COG4: variants seen among roughly 807,000 people sequenced by gnomAD.
COG4 encodes the protein component of oligomeric golgi complex 4, also known as conserved oligomeric Golgi complex subunit 4.
A neutral mutation model predicts 95.1 loss-of-function variants in COG4; 65 were observed. The observed-to-expected ratio is 0.68, with a 90% CI of 0.56 to 0.84. The LOEUF (loss-of-function observed/expected upper bound fraction) is 0.84, where lower values mean the gene tolerates loss of function less well. Among genes scored for constraint, COG4 ranks in the 40% least tolerant of loss-of-function variants. The probability of loss-of-function intolerance (pLI) is 0.00; values close to 1 mark genes in which losing one functional copy is unlikely to be tolerated. For synonymous variants in COG4, 421 were observed against 374.8 expected (o/e 1.12, Z -1.42); for missense variants, 1,045 against 989.1 (o/e 1.06, Z -0.76).
At chr16:70,482,383 CAT>C (rs2049017377) in intron 15 of COG4, 1 of 640,822 alleles carries the variant, frequency 1.6e-6, no homozygotes, top group African/African-American at 1.8e-5. Context: ...GCCCACATAA[CAT>C]GGTAAAGTTC....
chr16:70,518,390 ACT>A (rs2049868478), intron 2 of COG4, among the ~76,000 whole-genome samples: 1 of 151,742 alleles, frequency 6.6e-6, no homozygotes, highest in South Asian at 2.1e-4. Flanking sequence ...ACAGGTTCTC[ACT>A]CTGCCACTCA....
At chr16:70,511,313 A>C (rs1249900693) in intron 5 of COG4, among the ~76,000 whole-genome samples, 1 of 152,180 alleles carries the variant, frequency 6.6e-6, no homozygotes, top group Admixed American at 6.5e-5. Context: ...GCCGTTTAAC[A>C]AACCACATGT....
intron 13 of COG4, among the ~76,000 whole-genome samples, chr16:70,489,218 T>C (rs1004715538): frequency 1.3e-5 from 2 of 151,864 alleles, no homozygotes; most frequent in African/African-American, 4.8e-5. Context: ...CTTTTGATCC[T>C]GATTTTTTTT....
At chr16:70,514,163 T>C (rs1033399118) in intron 4 of COG4, among the ~76,000 whole-genome samples, 172 bp downstream of exon 4, 3 of 151,584 alleles carry the variant, frequency 2.0e-5, no homozygotes, top group Non-Finnish European at 4.4e-5. Context: ...TAAGCCAAGA[T>C]GGCACCACTG....
At position 70,481,066 on chromosome 16, in the gene COG4, C is replaced by A. The variant is rs140873482; in HGVS notation, c.2314G>T (p.Val772Leu). The stretch of plus-strand genomic sequence containing the variant: ...CGGAAGTCTATCCGCAGGGCCAGCA[C>A]CTGGCGCACTTCAGCAGGGGTGAGG... ...WRLTPAEVRQ[V>L]LALRIDFRSE... Residue 772 changes from valine to leucine, a missense_variant, in exon 19 of 19, where the codon GTG becomes TTG. Transcript: ENST00000323786. 2.5e-6 allele frequency: 4 copies of A among 1,613,252 alleles called. No individual in the cohort carries two copies. In the South Asian group the frequency reaches 3.3e-5, roughly 13 times the overall value.
chr16:70,518,700 G>A (rs1017155782), intron 2 of COG4, among the ~76,000 whole-genome samples: 3 of 151,992 alleles, frequency 2.0e-5, no homozygotes, highest in Admixed American at 1.3e-4. Flanking sequence ...GTTCTCGGCC[G>A]GGCATGGTGG....
intron 6 of COG4, 122 bp downstream of exon 6, chr16:70,509,794 T>C (rs2049659755): frequency 1.3e-6 from 1 of 759,670 alleles, no homozygotes; most frequent in Non-Finnish European, 2.3e-6. Context: ...CTCCAATCAA[T>C]TAATACACAA....
intron 8 of COG4, among the ~76,000 whole-genome samples, chr16:70,507,496 T>C (rs1459405431): frequency 6.6e-6 from 1 of 152,116 alleles, no homozygotes; most frequent in Non-Finnish European, 1.5e-5. Context: ...AGCCTAGGTG[T>C]GTAGTAGGCT....
At chr16:70,511,806 C>T (rs2049713167) in intron 5 of COG4, among the ~76,000 whole-genome samples, 1 of 152,016 alleles carries the variant, frequency 6.6e-6, no homozygotes, top group Non-Finnish European at 1.5e-5. Context: ...GTAGCATATG[C>T]CTGTAATCCC....
intron 5 of COG4, among the ~76,000 whole-genome samples, chr16:70,510,463 T>C (rs749785722): frequency 3.9e-5 from 6 of 152,136 alleles, no homozygotes; most frequent in Non-Finnish European, 7.4e-5. Flanking sequence ...GCTGGAACTA[T>C]AGGCGAGAGC....
rs1014806925 is a variant in COG4, at chr16:70,505,997, T to G, written c.1061+2409A>C. 3.3e-5 allele frequency among the ~76,000 whole-genome samples: 5 copies of G among 151,568 alleles called. No homozygotes were observed. In the East Asian group the frequency reaches 7.9e-4, roughly 24 times the overall value. On this transcript the variant is annotated intron_variant, in intron 8 of 18. Coordinates refer to ENST00000323786, the MANE Select transcript of COG4 (RefSeq NM_015386.3). ...CTCATCTCTACCAAAAATTAAAAAA[T>G]TGGCCGGGTATGGTGGCTCATGCCT...
chr16:70,505,721 C>T (rs575162102), intron 8 of COG4, among the ~76,000 whole-genome samples: 16 of 151,640 alleles, frequency 1.1e-4, no homozygotes, highest in South Asian at 8.4e-4. Context: ...CCCAGCTACT[C>T]AGGAGGCTGA....
At chr16:70,482,301 C>T (rs2151737923) in intron 15 of COG4, 126 bp from the exon 16 acceptor site, 1 of 752,524 alleles carries the variant, frequency 1.3e-6, no homozygotes, top group African/African-American at 1.7e-5. Context: ...TCTGACTCAT[C>T]TAGTTTAAAA....
chr16:70,490,178 A>T, intron 13 of COG4, 152 bp downstream of exon 13: 1 of 716,776 alleles, frequency 1.4e-6, no homozygotes. Flanking sequence ...TGGTCCAAGG[A>T]TGCCTTGCTA....
At chr16:70,515,382 A>G (rs948342469) in intron 3 of COG4, among the ~76,000 whole-genome samples, 1 of 151,972 alleles carries the variant, frequency 6.6e-6, no homozygotes, top group African/African-American at 2.4e-5. Context: ...CTCACTATTA[A>G]GGTTTTTTTA....
Position 70,519,701 on chromosome 16 carries a change from A to G in COG4, c.202T>C (p.Leu68=), listed in dbSNP as rs1278490896. The G allele has an allele frequency of 6.2e-7, 1 of 1,613,846 alleles. No individual in the cohort carries two copies. The highest frequency in any genetic ancestry group is 8.5e-7 in the Non-Finnish European group (1 of 1,179,958). Reference sequence around the variant, plus strand: ...CTTTCAATGGTGTTTTGCTGTTCCAAAAGAGCATCCAGCTCTCTCTCCACC... The same window carrying G: ...CTTTCAATGGTGTTTTGCTGTTCCAGAAGAGCATCCAGCTCTCTCTCCACC... ...KVVERELDAL[L]EQQNTIESKM... is the part of the protein sequence containing the mutation. The change falls in exon 2 of 19, where the codon TTG becomes CTG. Residue 68 remains leucine, a synonymous_variant. Coordinates refer to ENST00000323786, the MANE Select transcript of COG4 (RefSeq NM_015386.3).
At chr16:70,492,627 C>G (rs186008178) in intron 12 of COG4, among the ~76,000 whole-genome samples, 2 of 150,240 alleles carry the variant, frequency 1.3e-5, no homozygotes, top group African/African-American at 4.9e-5. Context: ...CGCCATTGCA[C>G]TCCAGCCTGT....
chr16:70,482,473 A>G (rs1413161087), intron 15 of COG4: 7 of 594,666 alleles, frequency 1.2e-5, no homozygotes, highest in Non-Finnish European at 1.7e-5. Flanking sequence ...AACGCTTCTA[A>G]GTCTATCATA....
intron 13 of COG4, among the ~76,000 whole-genome samples, chr16:70,485,597 T>G (rs1447297229): frequency 2.0e-5 from 3 of 150,516 alleles, no homozygotes; most frequent in African/African-American, 7.3e-5. Flanking sequence ...GTTTTTTTTT[T>G]TTTTTTGAGA....
Sources: gnomAD v4.1 joint callset for allele counts (sites outside exome capture counted in the v4.1 genomes callset) on GRCh38, gnomAD v4.1.1 for gene constraint, MANE v1.5 for transcripts, NCBI Gene and HGNC (gene_info 2026-07-23, HGNC 2026-07-21) for gene names.